The following VPS13A variants were observed in gnomAD, a reference collection of about 807,000 sequenced individuals.
VPS13A encodes intermembrane lipid transfer protein VPS13A.
Under a neutral mutation model 390.9 loss-of-function variants are expected in VPS13A, and 264 were observed. That is an observed-to-expected ratio of 0.68 (90% CI 0.61 to 0.75). The LOEUF (loss-of-function observed/expected upper bound fraction) is 0.75. Among genes scored for constraint, VPS13A ranks in the 30% least tolerant of loss-of-function variants. The probability of loss-of-function intolerance (pLI) is 0.00; values close to 1 mark genes in which losing one functional copy is unlikely to be tolerated. For missense variants in VPS13A, 3,409 were observed against 3,733.9 expected (o/e 0.91, Z 2.27); for synonymous variants, 1,231 against 1,227.1 (o/e 1.00, Z -0.07).
At chr9:77,354,450 A>T (rs1342137893) in intron 54 of VPS13A, among the ~76,000 whole-genome samples, 1 of 152,162 alleles carries the variant, frequency 6.6e-6, no homozygotes, top group Non-Finnish European at 1.5e-5. Flanking sequence ...TAAGACCTTT[A>T]GACCTATTAT....
chr9:77,387,274 G>T (rs1395654556), intron 68 of VPS13A, among the ~76,000 whole-genome samples: 1 of 152,230 alleles, frequency 6.6e-6, no homozygotes, highest in East Asian at 1.9e-4. Flanking sequence ...TTAATAAGAT[G>T]AACTCTTGTT....
intron 45 of VPS13A, 123 bp from the exon 46 acceptor site, chr9:77,331,887 A>G: frequency 3.0e-6 from 2 of 661,078 alleles, no homozygotes; most frequent in Admixed American, 4.8e-5. Context: ...TCTAATTTAT[A>G]TAAGCAAGAT....
At chr9:77,248,612 A>G (rs942175753) in intron 20 of VPS13A, among the ~76,000 whole-genome samples, 20 of 152,156 alleles carry the variant, frequency 1.3e-4, no homozygotes, top group Non-Finnish European at 2.5e-4. Flanking sequence ...TCACTATAGT[A>G]CCCACTTCCC....
chr9:77,271,462 T>C (rs1398672465), intron 23 of VPS13A, among the ~76,000 whole-genome samples: 1 of 152,176 alleles, frequency 6.6e-6, no homozygotes, highest in Non-Finnish European at 1.5e-5. Flanking sequence ...CCTAGGTTTT[T>C]ACCCAAGAGA....
At chr9:77,326,315 C>T (rs1190078831) in intron 45 of VPS13A, among the ~76,000 whole-genome samples, 1 of 151,856 alleles carries the variant, frequency 6.6e-6, no homozygotes, top group Non-Finnish European at 1.5e-5. Context: ...CTTTAGAAAA[C>T]TTTTTGCCAT....
At position 77,276,096 on chromosome 9, in the gene VPS13A, AT is replaced by A. The variant is rs1554879059; in HGVS notation, c.2701del (p.Cys901ValfsTer6). The A allele has an allele frequency of 6.2e-7, 1 of 1,612,648 alleles. No individual in the cohort carries two copies. The highest frequency in any genetic ancestry group is 8.5e-7 in the Non-Finnish European group (1 of 1,179,706). ...ATCGAGTTTTATCACCTTGTTGGAG[AT>A]TGTGAACTATCTGTGGTAGAAATTC... ...VLIEFYHLVG[D>X]CELSVVEILV... On this transcript the variant is annotated frameshift_variant, in exon 26 of 72. Transcript: ENST00000360280. LOFTEE classifies it high-confidence loss of function.
At chr9:77,190,058 A>G (rs1296367778) in intron 1 of VPS13A, among the ~76,000 whole-genome samples, 1 of 152,178 alleles carries the variant, frequency 6.6e-6, no homozygotes, top group African/African-American at 2.4e-5. Flanking sequence ...GGATGATTTG[A>G]CTTCCTCTCT....
chr9:77,313,965 T>C, intron 35 of VPS13A, 27 bp from the exon 36 acceptor site: 1 of 1,597,042 alleles, frequency 6.3e-7, no homozygotes, highest in Non-Finnish European at 8.5e-7. Context: ...ATATTTTCTT[T>C]TATTAAATAA....
At chr9:77,399,160 A>G (rs1288923919) in intron 68 of VPS13A, among the ~76,000 whole-genome samples, 42 of 119,324 alleles carry the variant, frequency 3.5e-4, no homozygotes, top group Non-Finnish European at 6.4e-4. Context: ...TAAAACTTAG[A>G]GTATAATAAA....
At chr9:77,229,643 C>T (rs998158580) in intron 17 of VPS13A, among the ~76,000 whole-genome samples, 3 of 152,096 alleles carry the variant, frequency 2.0e-5, no homozygotes, top group South Asian at 2.1e-4. Flanking sequence ...CTATTATGGA[C>T]GCATCACGTT....
chr9:77,272,841 A>G lies in VPS13A; in HGVS notation c.2428-439A>G, dbSNP rs545741443. ...TATTATTATTTTTTTAAACTGCAAA[A>G]TTTGTTTTTATATATGCTGTATTTC... is the stretch of plus-strand genomic sequence containing the variant. On this transcript the variant is annotated intron_variant, in intron 23 of 71. Coordinates refer to ENST00000360280, the MANE Select transcript of VPS13A (RefSeq NM_033305.3). Among the ~76,000 whole-genome samples, 5 of 152,234 alleles carry G rather than the reference A, an allele frequency of 3.3e-5. No individual in the cohort carries two copies. The South Asian group carries it at 1.0e-3, about 32-fold the overall frequency.
chr9:77,265,364 A>G (rs896461469), intron 23 of VPS13A, among the ~76,000 whole-genome samples: 2 of 152,230 alleles, frequency 1.3e-5, no homozygotes, highest in African/African-American at 4.8e-5. Flanking sequence ...TAGTTTCAGA[A>G]GGACTGGTAC....
At chr9:77,282,463 A>G (rs957030106) in intron 29 of VPS13A, among the ~76,000 whole-genome samples, 189 bp downstream of exon 29, 2 of 152,126 alleles carry the variant, frequency 1.3e-5, no homozygotes, top group African/African-American at 4.8e-5. Context: ...TGGCGAAGAA[A>G]ATGTTGCTTT....
chr9:77,407,655 A>G (rs764907974), intron 71 of VPS13A, 48 bp downstream of exon 71: 1 of 1,377,124 alleles, frequency 7.3e-7, no homozygotes, highest in Non-Finnish European at 1.0e-6. Flanking sequence ...TCACTTCAAA[A>G]TCATGTAAGT....
At chr9:77,377,164 C>G (rs1214972591) in intron 67 of VPS13A, among the ~76,000 whole-genome samples, 2 of 134,218 alleles carry the variant, frequency 1.5e-5, no homozygotes, top group Admixed American at 7.5e-5. Context: ...GAGTCTTATA[C>G]TTCTTTTTAA....
chr9:77,375,464 A>T (rs950127886), intron 67 of VPS13A, among the ~76,000 whole-genome samples: 3 of 152,186 alleles, frequency 2.0e-5, no homozygotes, highest in African/African-American at 7.2e-5. Context: ...TGTAAAGAGG[A>T]TGTATTTACT....
At chr9:77,223,734 A>G (rs1823353509) in intron 13 of VPS13A, among the ~76,000 whole-genome samples, 1 of 152,148 alleles carries the variant, frequency 6.6e-6, no homozygotes, top group Non-Finnish European at 1.5e-5. Flanking sequence ...AGTATAAGGC[A>G]AAGAAGAAAG....
intron 45 of VPS13A, among the ~76,000 whole-genome samples, chr9:77,324,649 A>G (rs935316354): frequency 1.3e-5 from 2 of 152,128 alleles, no homozygotes; most frequent in Non-Finnish European, 2.9e-5. Context: ...ATTTATATTC[A>G]TGAGGGATAT....
At chr9:77,227,329 TA>T in intron 15 of VPS13A, 61 bp from the exon 16 acceptor site, 1 of 1,159,166 alleles carries the variant, frequency 8.6e-7, no homozygotes, top group Non-Finnish European at 1.3e-6. Flanking sequence ...TAAAGGCAGA[TA>T]CATTGTGTTA....
Sources: allele counts gnomAD v4.1 joint callset (sites outside exome capture counted in the v4.1 genomes callset), GRCh38; gene constraint gnomAD v4.1.1; transcripts MANE v1.5; gene names NCBI Gene and HGNC (gene_info 2026-07-23, HGNC 2026-07-21).